RASGRP1: variants seen among roughly 807,000 people sequenced by gnomAD.
RASGRP1 encodes RAS guanyl releasing protein 1.
RASGRP1 carries 37 observed loss-of-function variants against 95.1 expected under a neutral mutation model. The observed-to-expected ratio is 0.39, with a 90% CI of 0.30 to 0.51. The LOEUF is 0.51. Ranked by LOEUF, RASGRP1 falls within the 20% of genes least tolerant of loss-of-function variation. RASGRP1 has a pLI of 0.80. For synonymous variants in RASGRP1, 325 were observed against 353.4 expected, an observed-to-expected ratio of 0.92 and a Z score of 0.90; for missense variants, 711 against 965.4, an observed-to-expected ratio of 0.74 and a Z score of 3.49.
chr15:38,504,505 G>C (rs529791825), intron 10 of RASGRP1: 1 of 152,082 alleles, frequency 6.6e-6, no homozygotes, highest in Non-Finnish European at 1.5e-5. Flanking sequence ...TCTATATAGA[G>C]TCAAGATCAT....
intron 13 of RASGRP1, 99 bp downstream of exon 13, chr15:38,501,044 C>T: frequency 2.2e-6 from 3 of 1,350,038 alleles, no homozygotes; most frequent in Non-Finnish European, 9.9e-7. Context: ...GGGCTCCAAG[C>T]TGGGATGGGT....
chr15:38,549,974 T>C (rs902706147), intron 2 of RASGRP1, among the ~76,000 whole-genome samples: 1 of 152,056 alleles, frequency 6.6e-6, no homozygotes, highest in Non-Finnish European at 1.5e-5. Context: ...AGAAGGTTAA[T>C]AGGCTGGGCA....
intron 9 of RASGRP1, 72 bp downstream of exon 9, chr15:38,507,654 T>C (rs1891315539): frequency 8.2e-6 from 12 of 1,462,592 alleles, no homozygotes; most frequent in Non-Finnish European, 1.1e-5. Context: ...CAGCTAATAT[T>C]TGGTAAGGGG....
At chr15:38,560,112 G>T in intron 1 of RASGRP1, 107 bp from the exon 2 acceptor site, 1 of 1,089,260 alleles carries the variant, frequency 9.2e-7, no homozygotes, top group Non-Finnish European at 1.4e-6. Context: ...TCAGGAGCTG[G>T]GCTGATAGAA....
intron 2 of RASGRP1, among the ~76,000 whole-genome samples, chr15:38,551,628 T>C (rs1893341809): frequency 6.6e-6 from 1 of 151,946 alleles, no homozygotes; most frequent in Admixed American, 6.5e-5. Flanking sequence ...AAAAGCTAAA[T>C]AGAAATGGGC....
At chr15:38,553,250 G>C (rs1448908080) in intron 2 of RASGRP1, among the ~76,000 whole-genome samples, 1 of 152,250 alleles carries the variant, frequency 6.6e-6, no homozygotes, top group African/African-American at 2.4e-5. Flanking sequence ...CCGGGCAGGA[G>C]TGGACAAGTT....
chr15:38,557,184 T>C (rs1180195045), intron 2 of RASGRP1, among the ~76,000 whole-genome samples: 7 of 152,226 alleles, frequency 4.6e-5, no homozygotes, highest in Admixed American at 4.6e-4. Flanking sequence ...TATATTTTGC[T>C]ATGGGCTTTT....
intron 14 of RASGRP1, 127 bp from the exon 15 acceptor site, chr15:38,499,073 C>G (rs1478165124): frequency 1.6e-6 from 2 of 1,249,862 alleles, no homozygotes; most frequent in Non-Finnish European, 1.2e-6. Flanking sequence ...AGCTAAGACA[C>G]TTAACATTCC....
intron 2 of RASGRP1, among the ~76,000 whole-genome samples, chr15:38,535,820 G>A (rs1458373587): frequency 1.3e-5 from 2 of 152,228 alleles, no homozygotes; most frequent in African/African-American, 4.8e-5. Context: ...GAGCAAGACA[G>A]CTGGCCTTCC....
intron 2 of RASGRP1, among the ~76,000 whole-genome samples, chr15:38,530,135 G>A (rs1892380628): frequency 6.6e-6 from 1 of 152,198 alleles, no homozygotes. Flanking sequence ...GTTTCTGTGA[G>A]TTGGTTACAA....
intron 1 of RASGRP1, 68 bp from the exon 2 acceptor site, chr15:38,560,073 G>T: frequency 7.4e-7 from 1 of 1,344,906 alleles, no homozygotes; most frequent in Non-Finnish European, 1.0e-6. Flanking sequence ...AGATTGGAGA[G>T]GAAGGGAATG....
intron 2 of RASGRP1, among the ~76,000 whole-genome samples, chr15:38,529,684 C>T (rs1024570963): frequency 2.0e-5 from 3 of 152,166 alleles, no homozygotes; most frequent in Middle Eastern, 3.2e-3. Context: ...TTTTCCACAA[C>T]TATATTTCCA....
chr15:38,507,459 G>A (rs1309438253), intron 9 of RASGRP1, among the ~76,000 whole-genome samples: 1 of 152,184 alleles, frequency 6.6e-6, no homozygotes, highest in African/African-American at 2.4e-5. Flanking sequence ...TGTAGAGGTA[G>A]TGAAACAGTC....
chr15:38,541,160 A>C (rs929006642), intron 2 of RASGRP1, among the ~76,000 whole-genome samples: 4 of 152,200 alleles, frequency 2.6e-5, no homozygotes, highest in African/African-American at 9.6e-5. Flanking sequence ...TTTCACATGC[A>C]TTATCTCATT....
intron 1 of RASGRP1, 84 bp downstream of exon 1, chr15:38,564,510 T>C: frequency 8.8e-7 from 1 of 1,136,790 alleles, no homozygotes; most frequent in Non-Finnish European, 1.1e-6. Flanking sequence ...TCAACTTCCC[T>C]CGGGGTGTTG....
intron 16 of RASGRP1, among the ~76,000 whole-genome samples, chr15:38,491,613 A>C (rs1348265331): frequency 6.6e-6 from 1 of 152,148 alleles, no homozygotes; most frequent in African/African-American, 2.4e-5. Flanking sequence ...ATTCTTATTA[A>C]TATACGTTAT....
At chr15:38,522,739 G>C (rs1255742854) in intron 3 of RASGRP1, among the ~76,000 whole-genome samples, 5 of 152,142 alleles carry the variant, frequency 3.3e-5, no homozygotes, top group African/African-American at 1.2e-4. Flanking sequence ...GAGAAGTTCA[G>C]TGAGGAAGGG....
At chr15:38,507,697 T>C in intron 9 of RASGRP1, 29 bp downstream of exon 9, 1 of 1,547,404 alleles carries the variant, frequency 6.5e-7, no homozygotes, top group Non-Finnish European at 8.7e-7. Flanking sequence ...AGAAAGTGCT[T>C]AGTAATTGTC....
At chr15:38,498,064 A>G (rs962616858) in intron 15 of RASGRP1, among the ~76,000 whole-genome samples, 1 of 152,304 alleles carries the variant, frequency 6.6e-6, no homozygotes, top group African/African-American at 2.4e-5. Flanking sequence ...AATTGGGGCT[A>G]TCATAGACAG....
Sources: gnomAD v4.1 joint callset for allele counts (sites outside exome capture counted in the v4.1 genomes callset) on GRCh38, gnomAD v4.1.1 for gene constraint, MANE v1.5 for transcripts, NCBI Gene and HGNC (gene_info 2026-07-23, HGNC 2026-07-21) for gene names.